Variants in ITPR2 observed in about 807,000 individuals in gnomAD.
ITPR2 encodes inositol 1,4,5-trisphosphate receptor type 2, also known as inositol 1,4,5-trisphosphate-gated calcium channel ITPR2.
A neutral mutation model predicts 317.1 loss-of-function variants in ITPR2; 207 were observed. The observed-to-expected ratio is 0.65, with a 90% CI of 0.58 to 0.73. The LOEUF (loss-of-function observed/expected upper bound fraction) is 0.73, where lower values mean the gene tolerates loss of function less well. Ranked by LOEUF, ITPR2 falls within the 30% of genes least tolerant of loss-of-function variation. ITPR2 has a pLI of 0.00. For synonymous variants in ITPR2, 1,156 were observed against 1,149.1 expected, an observed-to-expected ratio of 1.01 and a Z score of -0.12; for missense variants, 2,613 against 3,284.0, an observed-to-expected ratio of 0.80 and a Z score of 4.99.
intron 49 of ITPR2, among the ~76,000 whole-genome samples, chr12:26,427,315 C>T (rs530688909): frequency 2.1e-4 from 32 of 152,056 alleles, no homozygotes; most frequent in Admixed American, 2.6e-4. Context: ...TTGTATTTCT[C>T]GGGTAAAATT....
intron 54 of ITPR2, among the ~76,000 whole-genome samples, chr12:26,394,086 G>T (rs894105984): frequency 6.6e-6 from 1 of 152,104 alleles, no homozygotes; most frequent in Non-Finnish European, 1.5e-5. Flanking sequence ...CCTCAGTTAA[G>T]CCTCGTGCTA....
chr12:26,515,527 GA>G (rs1943464669), intron 37 of ITPR2, among the ~76,000 whole-genome samples: 1 of 151,928 alleles, frequency 6.6e-6, no homozygotes, highest in Non-Finnish European at 1.5e-5. Flanking sequence ...AGAAGGAGAA[GA>G]AAATAAAAGC....
intron 37 of ITPR2, among the ~76,000 whole-genome samples, chr12:26,529,469 A>G (rs1943896559): frequency 6.6e-6 from 1 of 152,194 alleles, no homozygotes; most frequent in Non-Finnish European, 1.5e-5. Flanking sequence ...TCTGCCACAC[A>G]GGACCCTGTC....
Position 26,779,831 on chromosome 12 carries a change from A to G in ITPR2, c.163+10326T>C, listed in dbSNP as rs910275221. ...TACACTGATTCATGGGCTGTAGCCAATGGTTTGGCTGGATGGTCAGGGGCT... is the reference window on the plus strand; with the variant it reads ...TACACTGATTCATGGGCTGTAGCCAGTGGTTTGGCTGGATGGTCAGGGGCT... On this transcript the variant is annotated intron_variant, in intron 2 of 56. Coordinates refer to ENST00000381340, the MANE Select transcript of ITPR2 (RefSeq NM_002223.4). 3.3e-5 allele frequency among the ~76,000 whole-genome samples: 5 copies of G among 152,190 alleles called. No homozygotes were observed. In the South Asian group the frequency reaches 1.0e-3, roughly 32 times the overall value.
intron 26 of ITPR2, among the ~76,000 whole-genome samples, chr12:26,615,699 C>A (rs1157077774): frequency 1.3e-5 from 2 of 152,026 alleles, no homozygotes; most frequent in African/African-American, 4.8e-5. Context: ...TTTTGTTCTG[C>A]AGTAAAAATA....
chr12:26,768,571 T>TTAA (rs1226607102), intron 2 of ITPR2, among the ~76,000 whole-genome samples: 1 of 96,188 alleles, frequency 1.0e-5, no homozygotes, highest in African/African-American at 6.0e-5. Context: ...CAAATATATA[T>TTAA]AAAAAAAAAA....
At chr12:26,477,631 C>T (rs12307463) in intron 43 of ITPR2, among the ~76,000 whole-genome samples, 8,865 of 152,036 alleles carry the variant, frequency 0.058, 734 homozygotes, top group African/African-American at 0.18. Context: ...TCTATTTTTG[C>T]TTAACAAAGA....
intron 26 of ITPR2, among the ~76,000 whole-genome samples, chr12:26,610,851 G>C (rs10219735): frequency 0.015 from 2,321 of 152,276 alleles, 55 homozygotes; most frequent in African/African-American, 0.052. Flanking sequence ...GCTCAGCATG[G>C]ATAATGAAGG....
intron 9 of ITPR2, among the ~76,000 whole-genome samples, chr12:26,703,864 C>G (rs1327164229): frequency 6.6e-6 from 1 of 152,120 alleles, no homozygotes; most frequent in Non-Finnish European, 1.5e-5. Flanking sequence ...AGATACAGGC[C>G]TTTCATTGCA....
intron 54 of ITPR2, 80 bp downstream of exon 54, chr12:26,398,796 G>A (rs1940083005): frequency 8.0e-7 from 1 of 1,252,914 alleles, no homozygotes; most frequent in South Asian, 1.4e-5. Flanking sequence ...CCGAAAGCAT[G>A]AAAAATAAAA....
intron 49 of ITPR2, among the ~76,000 whole-genome samples, chr12:26,424,823 G>A (rs1184413390): frequency 6.6e-6 from 1 of 152,004 alleles, no homozygotes; most frequent in Non-Finnish European, 1.5e-5. Flanking sequence ...GCAGTGGCCT[G>A]ATGTCAGCTC....
At chr12:26,586,701 G>C (rs1945538257) in intron 32 of ITPR2, among the ~76,000 whole-genome samples, 1 of 152,058 alleles carries the variant, frequency 6.6e-6, no homozygotes, top group African/African-American at 2.4e-5. Context: ...TTTTTATTGA[G>C]TGTCTATTCC....
At chr12:26,775,527 G>A (rs886546991) in intron 2 of ITPR2, among the ~76,000 whole-genome samples, 3 of 152,134 alleles carry the variant, frequency 2.0e-5, no homozygotes, top group African/African-American at 7.2e-5. Flanking sequence ...CAGGGACTCT[G>A]GCCCAAGATT....
At chr12:26,358,010 A>G (rs1938695303) in intron 55 of ITPR2, among the ~76,000 whole-genome samples, 1 of 152,212 alleles carries the variant, frequency 6.6e-6, no homozygotes, top group Non-Finnish European at 1.5e-5. Flanking sequence ...GCTAGAATAC[A>G]CCCAGAAACC....
intron 43 of ITPR2, among the ~76,000 whole-genome samples, chr12:26,479,971 T>C (rs1381164765): frequency 6.6e-6 from 1 of 152,160 alleles, no homozygotes; most frequent in Non-Finnish European, 1.5e-5. Context: ...AATCTTCACG[T>C]AAACATATGT....
chr12:26,512,084 C>T (rs1943363468), intron 37 of ITPR2, among the ~76,000 whole-genome samples: 1 of 151,804 alleles, frequency 6.6e-6, no homozygotes, highest in Non-Finnish European at 1.5e-5. Context: ...AAATAAATCC[C>T]AGGACCCCAA....
At chr12:26,772,475 TATAATATATATAATACATATAATAC>T (rs1949874358) in intron 2 of ITPR2, among the ~76,000 whole-genome samples, 1 of 82,088 alleles carries the variant, frequency 1.2e-5, no homozygotes, top group Non-Finnish European at 3.3e-5. Context: ...ATGTATTATA[TATAATATATATAATACATATAATAC>T]ATGTATTATA....
At chr12:26,521,464 T>C (rs1943663542) in intron 37 of ITPR2, among the ~76,000 whole-genome samples, 1 of 152,210 alleles carries the variant, frequency 6.6e-6, no homozygotes, top group East Asian at 1.9e-4. Flanking sequence ...TACCCTGTTA[T>C]TAACTGTCAA....
chr12:26,617,658 C>CAGAG lies in ITPR2; in HGVS notation c.3462+3464_3462+3465insCTCT, dbSNP rs1326490655. On this transcript the variant is annotated intron_variant, in intron 26 of 56. Transcript: ENST00000381340. ...AAGAAAAAAGAAAAGAAAGGAGGGA[C>CAGAG]GGAGGGAGGGAAGGAAGGAGGGAAG... is the stretch of plus-strand genomic sequence containing the variant. Among the ~76,000 whole-genome samples, 634 of 106,012 alleles carry CAGAG rather than the reference C, an allele frequency of 6.0e-3. 5 individuals carry two copies. Among genetic ancestry groups the CAGAG allele is most frequent in the East Asian group, 0.028 (97 of 3,406 alleles). 69.5% of individuals were successfully genotyped at this position (106,012 alleles called of 152,430 possible).
Sources: gnomAD v4.1 joint callset for allele counts (sites outside exome capture counted in the v4.1 genomes callset) on GRCh38, gnomAD v4.1.1 for gene constraint, MANE v1.5 for transcripts, NCBI Gene and HGNC (gene_info 2026-07-23, HGNC 2026-07-21) for gene names.